PPP1R9A: variants seen among roughly 807,000 people sequenced by gnomAD.
The protein encoded by PPP1R9A is neurabin-1.
PPP1R9A carries 59 observed loss-of-function variants against 141.9 expected under a neutral mutation model. That is an observed-to-expected ratio of 0.42 (90% CI 0.34 to 0.52). The LOEUF (loss-of-function observed/expected upper bound fraction) is 0.52. PPP1R9A is among the 20% of genes least tolerant of loss of function. The probability of loss-of-function intolerance (pLI) is 0.10; values close to 1 mark genes in which losing one functional copy is unlikely to be tolerated. For synonymous variants in PPP1R9A, 500 were observed against 569.7 expected (o/e 0.88, Z 1.74); for missense variants, 1,444 against 1,611.9 (o/e 0.90, Z 1.78).
chr7:95,093,216 G>T (rs1322131284), intron 2 of PPP1R9A, among the ~76,000 whole-genome samples: 2 of 152,042 alleles, frequency 1.3e-5, no homozygotes, highest in East Asian at 3.9e-4. Flanking sequence ...CTGTAAAAGT[G>T]ACTGCTATAT....
chr7:94,980,303 C>T (rs973947811), intron 2 of PPP1R9A, among the ~76,000 whole-genome samples: 3 of 151,966 alleles, frequency 2.0e-5, no homozygotes, highest in Non-Finnish European at 1.5e-5. Flanking sequence ...ACAGGTTGGA[C>T]AAGCTTGCTC....
chr7:95,204,751 C>G (rs1227870631), intron 7 of PPP1R9A, among the ~76,000 whole-genome samples: 1 of 141,456 alleles, frequency 7.1e-6, no homozygotes. Context: ...ACACACCCAC[C>G]ACACATACCC....
At chr7:95,098,758 GAGGTACTCTTCCCA>G (rs1243655132) in intron 2 of PPP1R9A, among the ~76,000 whole-genome samples, 2 of 152,136 alleles carry the variant, frequency 1.3e-5, no homozygotes, top group African/African-American at 4.8e-5. Flanking sequence ...TTTGGGGCTT[GAGGTACTCTTCCCA>G]AGGTACTCAA....
chr7:94,941,073 TA>T (rs1404420162), intron 2 of PPP1R9A, among the ~76,000 whole-genome samples: 2 of 152,166 alleles, frequency 1.3e-5, no homozygotes, highest in Non-Finnish European at 2.9e-5. Context: ...CTTGGTTTGA[TA>T]TTGTCTGTGA....
intron 4 of PPP1R9A, among the ~76,000 whole-genome samples, chr7:95,133,511 T>C (rs903636722): frequency 6.7e-4 from 29 of 43,350 alleles, no homozygotes; most frequent in South Asian, 3.5e-3. Flanking sequence ...TATGCAGTCG[T>C]ATTATATATA....
At chr7:95,187,351 T>C (rs568675184) in intron 5 of PPP1R9A, among the ~76,000 whole-genome samples, 58 of 152,234 alleles carry the variant, frequency 3.8e-4, no homozygotes, top group African/African-American at 1.4e-3. Context: ...TCTGTGGTAT[T>C]GGTTGCAGTA....
Position 95,072,313 on chromosome 7 carries a change from T to C in PPP1R9A, c.1396-38946T>C, listed in dbSNP as rs182500293. Among the ~76,000 whole-genome samples the C allele has an allele frequency of 3.8e-3, 546 of 144,798 alleles. 21 individuals are homozygous for C. The highest frequency in any genetic ancestry group is 0.037 in the East Asian group (190 of 5,082). 95.0% of individuals were successfully genotyped at this position (144,798 alleles called of 152,430 possible). A position where few individuals can be genotyped will look rare whatever the true frequency, so the allele number is the denominator to read the frequency against. On this transcript the variant is annotated intron_variant, in intron 2 of 19. Coordinates refer to ENST00000433360, the MANE Select transcript of PPP1R9A (RefSeq NM_001166160.2). ...ATTATAAAAATTAATAATATTGTAT[T>C]ATATAATATATATTATATATAATAA...
At chr7:95,254,821 A>C (rs570440741) in intron 12 of PPP1R9A, among the ~76,000 whole-genome samples, 15 of 152,314 alleles carry the variant, frequency 9.8e-5, no homozygotes, top group African/African-American at 3.4e-4. Context: ...ATTTTTGAGG[A>C]GTAAAACCTT....
At chr7:95,027,241 A>ATT (rs2151782069) in intron 2 of PPP1R9A, among the ~76,000 whole-genome samples, 1 of 152,276 alleles carries the variant, frequency 6.6e-6, no homozygotes, top group South Asian at 2.1e-4. Flanking sequence ...CTCCTGGTCT[A>ATT]AAGGTTGCAA....
Position 95,048,523 on chromosome 7 carries a change from TTTG to T in PPP1R9A, c.1396-62703_1396-62701del, listed in dbSNP as rs34158265. 5.4e-3 allele frequency among the ~76,000 whole-genome samples: 819 copies of T among 150,540 alleles called. 2 individuals carry two copies. Among genetic ancestry groups the T allele is most frequent in the Non-Finnish European group, 8.5e-3 (572 of 67,578 alleles). On this transcript the variant is annotated intron_variant, in intron 2 of 19. Coordinates refer to ENST00000433360, the MANE Select transcript of PPP1R9A (RefSeq NM_001166160.2). The stretch of plus-strand genomic sequence containing the variant: ...TATTTTTTTTTAACCATGACAGCGT[TTTG>T]TTGTTGTTGTTGTTGTTGTTGTTGT...
At chr7:94,996,797 GTGTT>G (rs1395361853) in intron 2 of PPP1R9A, among the ~76,000 whole-genome samples, 3 of 119,986 alleles carry the variant, frequency 2.5e-5, no homozygotes, top group Non-Finnish European at 5.0e-5. Context: ...CAGATACTCT[GTGTT>G]TTTTTTTTTT....
intron 10 of PPP1R9A, among the ~76,000 whole-genome samples, chr7:95,251,187 G>A (rs1049616075): frequency 6.6e-6 from 1 of 152,018 alleles, no homozygotes; most frequent in African/African-American, 2.4e-5. Flanking sequence ...TCTTTTTCAT[G>A]AAATAATTTT....
intron 2 of PPP1R9A, among the ~76,000 whole-genome samples, chr7:95,052,633 A>T (rs1297246368): frequency 6.6e-6 from 1 of 152,200 alleles, no homozygotes; most frequent in African/African-American, 2.4e-5. Flanking sequence ...TATGTCATAC[A>T]ATTTTATAAT....
intron 12 of PPP1R9A, among the ~76,000 whole-genome samples, chr7:95,258,250 C>T (rs1799904363): frequency 6.6e-6 from 1 of 152,166 alleles, no homozygotes; most frequent in Admixed American, 6.5e-5. Flanking sequence ...TTTTGATTTG[C>T]ATTTCTCTGA....
intron 2 of PPP1R9A, among the ~76,000 whole-genome samples, chr7:94,952,806 G>GT (rs143923100): frequency 0.05 from 7,481 of 150,742 alleles, 732 homozygotes; most frequent in East Asian, 0.42. Flanking sequence ...GGAGTTGTCT[G>GT]TTTTTTTTTC....
chr7:95,083,328 G>T (rs1337850816), intron 2 of PPP1R9A, among the ~76,000 whole-genome samples: 1 of 151,796 alleles, frequency 6.6e-6, no homozygotes, highest in Non-Finnish European at 1.5e-5. Flanking sequence ...GTCCCTGTGT[G>T]ACATTCCTTG....
intron 2 of PPP1R9A, among the ~76,000 whole-genome samples, chr7:94,981,981 C>A (rs534160725): frequency 1.3e-5 from 2 of 151,158 alleles, no homozygotes; most frequent in South Asian, 4.3e-4. Context: ...CCCAACCCCC[C>A]ACCCCACTAC....
At chr7:95,261,425 C>T (rs117205839) in intron 12 of PPP1R9A, among the ~76,000 whole-genome samples, 2,473 of 152,124 alleles carry the variant, frequency 0.016, 32 homozygotes, top group Middle Eastern at 0.031. Flanking sequence ...TGTCTAAGAC[C>T]TATAAGGAAT....
chr7:95,275,391 G>A (rs902738158), intron 16 of PPP1R9A, among the ~76,000 whole-genome samples: 3 of 143,216 alleles, frequency 2.1e-5, no homozygotes, highest in Non-Finnish European at 4.5e-5. Flanking sequence ...GCGATAGAGC[G>A]AGACTCCGTC....
Sources: allele counts gnomAD v4.1 joint callset (sites outside exome capture counted in the v4.1 genomes callset), GRCh38; gene constraint gnomAD v4.1.1; transcripts MANE v1.5; gene names NCBI Gene and HGNC (gene_info 2026-07-23, HGNC 2026-07-21).